Variants in NTM observed in about 807,000 individuals in gnomAD.
NTM encodes the protein IgLON family member 2.
In NTM, 13 loss-of-function variants were observed where a neutral mutation model predicts 42.1. That is an observed-to-expected ratio of 0.31 (90% CI 0.20 to 0.49). The LOEUF (loss-of-function observed/expected upper bound fraction) is 0.49, where lower values mean the gene tolerates loss of function less well. Ranked by LOEUF, NTM falls within the 20% of genes least tolerant of loss-of-function variation. The pLI is 0.99. For synonymous variants in NTM, 187 were observed against 179.2 expected (o/e 1.04, Z -0.35); for missense variants, 373 against 452.8 (o/e 0.82, Z 1.60).
chr11:131,474,046 A>G (rs1952687798), intron 1 of NTM, among the ~76,000 whole-genome samples: 1 of 151,830 alleles, frequency 6.6e-6, no homozygotes, highest in South Asian at 2.1e-4. Flanking sequence ...TCACACCCCC[A>G]CTGTCTTCAC....
At chr11:131,639,299 G>A (rs994435454) in intron 1 of NTM, among the ~76,000 whole-genome samples, 3 of 152,062 alleles carry the variant, frequency 2.0e-5, no homozygotes, top group Non-Finnish European at 4.4e-5. Context: ...TTTTTCTTTC[G>A]GTTTGGGGAT....
intron 2 of NTM, among the ~76,000 whole-genome samples, chr11:131,975,461 A>C (rs1022953031): frequency 6.6e-6 from 1 of 152,190 alleles, no homozygotes; most frequent in African/African-American, 2.4e-5. Flanking sequence ...TACAGGCGTG[A>C]GCCACTGCGC....
intron 2 of NTM, among the ~76,000 whole-genome samples, chr11:132,118,735 C>T (rs561742890): frequency 1.3e-5 from 2 of 152,234 alleles, no homozygotes; most frequent in East Asian, 1.9e-4. Flanking sequence ...CTGGATGTTC[C>T]CTTACGTATT....
At chr11:132,172,641 G>A (rs779860130) in intron 3 of NTM, among the ~76,000 whole-genome samples, 10 of 152,190 alleles carry the variant, frequency 6.6e-5, no homozygotes, top group Non-Finnish European at 1.0e-4. Context: ...CCAGCATGTA[G>A]CCTCACAAGA....
At chr11:131,802,467 G>A (rs1366797341) in intron 1 of NTM, among the ~76,000 whole-genome samples, 2 of 152,228 alleles carry the variant, frequency 1.3e-5, no homozygotes, top group African/African-American at 2.4e-5. Context: ...CTTCAGGTAG[G>A]AGGGCACATG....
At chr11:132,313,826 CT>C (rs2095349072) in intron 6 of NTM, among the ~76,000 whole-genome samples, 1 of 152,110 alleles carries the variant, frequency 6.6e-6, no homozygotes, top group African/African-American at 2.4e-5. Flanking sequence ...AATGCAAGTC[CT>C]TGTGGCTTAC....
chr11:131,944,738 A>G (rs529310389), intron 2 of NTM, among the ~76,000 whole-genome samples: 1 of 152,304 alleles, frequency 6.6e-6, no homozygotes, highest in East Asian at 1.9e-4. Context: ...TATTTAAGCA[A>G]ATGTGTACAG....
chr11:131,647,337 T>C (rs560528534), intron 1 of NTM, among the ~76,000 whole-genome samples: 2 of 152,268 alleles, frequency 1.3e-5, no homozygotes, highest in South Asian at 4.1e-4. Context: ...CATCAATAGG[T>C]GATTAAAGAG....
chr11:132,126,382 A>C (rs1432149870), intron 2 of NTM, among the ~76,000 whole-genome samples: 1 of 152,088 alleles, frequency 6.6e-6, no homozygotes, highest in East Asian at 1.9e-4. Context: ...TGTTCCTTCT[A>C]CTTTTTTTCC....
intron 1 of NTM, among the ~76,000 whole-genome samples, chr11:131,405,998 C>T (rs1037718157): frequency 6.6e-6 from 1 of 152,226 alleles, no homozygotes; most frequent in African/African-American, 2.4e-5. Flanking sequence ...ACCCTATTTA[C>T]TTGCACTCCG....
At chr11:131,510,758 C>G (rs890880715) in intron 1 of NTM, among the ~76,000 whole-genome samples, 1 of 152,164 alleles carries the variant, frequency 6.6e-6, no homozygotes, top group African/African-American at 2.4e-5. Context: ...CTCATTTCCC[C>G]AGTTTTGCAG....
intron 4 of NTM, among the ~76,000 whole-genome samples, chr11:132,304,034 A>ACTT (rs1466276511): frequency 2.9e-4 from 44 of 152,158 alleles, no homozygotes; most frequent in Non-Finnish European, 1.0e-4. Flanking sequence ...CTGATCCCAA[A>ACTT]CTTTTGCCTC....
intron 1 of NTM, among the ~76,000 whole-genome samples, chr11:131,419,647 G>A (rs1010782914): frequency 6.6e-6 from 1 of 151,944 alleles, no homozygotes; most frequent in African/African-American, 2.4e-5. Context: ...TGAAAGGGAA[G>A]GGGACAGAAG....
chr11:132,204,478 G>A (rs2081647264), intron 3 of NTM, among the ~76,000 whole-genome samples: 1 of 152,196 alleles, frequency 6.6e-6, no homozygotes, highest in Admixed American at 6.5e-5. Flanking sequence ...TGTGTAGCAA[G>A]CCAGGCAGGC....
chr11:131,933,026 G>A (rs2058805823), intron 2 of NTM, among the ~76,000 whole-genome samples: 1 of 152,248 alleles, frequency 6.6e-6, no homozygotes, highest in South Asian at 2.1e-4. Flanking sequence ...ATCAAGAAAT[G>A]TCAGCTTTTC....
At chr11:132,248,614 C>A (rs374807004) in intron 4 of NTM, among the ~76,000 whole-genome samples, 1 of 152,146 alleles carries the variant, frequency 6.6e-6, no homozygotes, top group African/African-American at 2.4e-5. Context: ...AAGAAGACAT[C>A]GGAAGCCAAG....
At chr11:132,210,705 T>C (rs1448655630) in intron 3 of NTM, among the ~76,000 whole-genome samples, 1 of 152,082 alleles carries the variant, frequency 6.6e-6, no homozygotes, top group Non-Finnish European at 1.5e-5. Context: ...GCAGCAACAA[T>C]GAGGTTCTAC....
intron 1 of NTM, among the ~76,000 whole-genome samples, chr11:131,845,640 C>G (rs1487571345): frequency 6.6e-6 from 1 of 151,442 alleles, no homozygotes; most frequent in African/African-American, 2.4e-5. Flanking sequence ...TAATTCATCT[C>G]TGGAACGTAA....
At chr11:131,399,876 G>A (rs1282229949) in intron 1 of NTM, among the ~76,000 whole-genome samples, 5 of 152,162 alleles carry the variant, frequency 3.3e-5, no homozygotes, top group African/African-American at 1.2e-4. Context: ...TTTTGCCCAT[G>A]TGCTTGGTGC....
Sources: gnomAD v4.1 joint callset for allele counts (sites outside exome capture counted in the v4.1 genomes callset) on GRCh38, gnomAD v4.1.1 for gene constraint, MANE v1.5 for transcripts, NCBI Gene and HGNC (gene_info 2026-07-23, HGNC 2026-07-21) for gene names.